CREBRF: variants seen among roughly 807,000 people sequenced by gnomAD.
CREBRF encodes the protein UPF0474 protein C5orf41.
A neutral mutation model predicts 66.1 loss-of-function variants in CREBRF; 5 were observed. The ratio of observed to expected loss-of-function variants is 0.08; its 90% confidence interval spans 0.04 to 0.16. CREBRF has a LOEUF of 0.16. Ranked by LOEUF, CREBRF falls within the 10% of genes least tolerant of loss-of-function variation. The pLI, the probability that CREBRF is intolerant of heterozygous loss-of-function variation, is 1.00. For missense variants in CREBRF, 531 were observed against 744.9 expected, an observed-to-expected ratio of 0.71 and a Z score of 3.34; for synonymous variants, 229 against 264.4, an observed-to-expected ratio of 0.87 and a Z score of 1.30.
intron 4 of CREBRF, among the ~76,000 whole-genome samples, chr5:173,093,665 C>T (rs939127943): frequency 2.0e-5 from 3 of 152,166 alleles, no homozygotes; most frequent in Non-Finnish European, 4.4e-5. Flanking sequence ...CACAGGCGTG[C>T]ACCATCATGC....
chr5:173,090,699 G>A lies in CREBRF; in HGVS notation c.520G>A (p.Gly174Ser). 1 of 1,614,048 alleles carries A rather than the reference G, an allele frequency of 6.2e-7. No homozygotes were observed. Among genetic ancestry groups the A allele is most frequent in the Non-Finnish European group, 8.5e-7 (1 of 1,180,000 alleles). ...AAATCCCTTACCCTCTTCATTCCCT[G>A]GTAAAAAGATCACAAGCAGAGCAGC... ...KQNPLPSSFPGKKITSRAAAP... is the reference protein window; with the variant it reads ...KQNPLPSSFPSKKITSRAAAP... Residue 174 changes from glycine (G) to serine (S), a missense_variant, in exon 4 of 9, where the codon GGT becomes AGT. By Grantham distance (56) the Gly-to-Ser change is moderately conservative. Around this residue, in one of 5 missense-constraint regions of CREBRF, gnomAD observed 133 missense variants for 215.6 expected, o/e 0.62. Coordinates refer to ENST00000296953, the MANE Select transcript of CREBRF (RefSeq NM_153607.3). This position sits in a 1 kb window ranked among gnomAD's most constrained non-coding sequence, Gnocchi z 4.5.
chr5:173,108,192 A>G (rs904312808), intron 4 of CREBRF, among the ~76,000 whole-genome samples: 2 of 152,090 alleles, frequency 1.3e-5, no homozygotes, highest in Admixed American at 1.3e-4. Flanking sequence ...AGAAGTATAC[A>G]TAGCTTTCTG....
intron 4 of CREBRF, 28 bp from the exon 5 acceptor site, chr5:173,108,596 C>G (rs769174659): frequency 6.3e-7 from 1 of 1,584,198 alleles, no homozygotes; most frequent in African/African-American, 1.4e-5. Flanking sequence ...ATTTATGGAG[C>G]TTAAAAATTG....
intron 3 of CREBRF, among the ~76,000 whole-genome samples, chr5:173,089,848 A>T (rs1758276498): frequency 6.6e-6 from 1 of 151,998 alleles, no homozygotes; most frequent in South Asian, 2.1e-4. Flanking sequence ...CTCTTCTGTA[A>T]TGAGGGTGTC....
In CREBRF at chr5:173,091,153, T is replaced by C. The variant is rs1758322953; in HGVS notation, c.974T>C (p.Val325Ala). Residue 325 changes from valine (V) to alanine (A), a missense_variant, in exon 4 of 9, where the codon GTC (valine) becomes GCC (alanine). Physicochemically the swap from Val to Ala is moderately conservative, Grantham distance 64. Around this residue, in one of 5 missense-constraint regions of CREBRF, gnomAD observed 309 missense variants for 341.4 expected, o/e 0.90. Coordinates refer to ENST00000296953, the MANE Select transcript of CREBRF (RefSeq NM_153607.3). ...AGCAGTCTTTCTGCCAGTACATCAG[T>C]CTCAGATTCATCCCAGAAAAAAGAA... ...ESSSLSASTS[V>A]SDSSQKKEEH... 6.2e-7 allele frequency: 1 copy of C among 1,614,076 alleles called. No individual in the cohort carries two copies. The highest frequency in any genetic ancestry group is 8.5e-7 in the Non-Finnish European group (1 of 1,180,040).
intron 2 of CREBRF, among the ~76,000 whole-genome samples, chr5:173,083,868 G>C (rs1758045644): frequency 6.6e-6 from 1 of 152,086 alleles, no homozygotes; most frequent in South Asian, 2.1e-4. Context: ...TTTTGACAGG[G>C]AAAACATTTT....
Position 173,133,749 on chromosome 5 carries a change from G to C in CREBRF, c.*4G>C. The stretch of plus-strand genomic sequence containing the variant: ...GATACCAACATCAAAGGTGTAATCA[G>C]CCTCATTGGACCACTGGTCAGAAAT... On this transcript the variant is annotated 3_prime_UTR_variant, in exon 9 of 9. Transcript: ENST00000296953. 6.8e-7 allele frequency: 1 copy of C among 1,480,830 alleles called. No homozygotes were observed. Among genetic ancestry groups the C allele is most frequent in the Non-Finnish European group, 9.4e-7 (1 of 1,063,136 alleles). The allele number at this position is 1,480,830 out of a possible 1,614,324, so 91.7% of individuals were successfully genotyped here.
chr5:173,086,235 A>G, intron 2 of CREBRF: 1 of 734,714 alleles, frequency 1.4e-6, no homozygotes, highest in Non-Finnish European at 2.5e-6. Context: ...TCCACTTTAA[A>G]TATTTCAAAT....
At chr5:173,101,454 G>A (rs1758625803) in intron 4 of CREBRF, among the ~76,000 whole-genome samples, 1 of 152,018 alleles carries the variant, frequency 6.6e-6, no homozygotes, top group African/African-American at 2.4e-5. Context: ...TCTTATGAGA[G>A]TTTCATTGTA....
intron 1 of CREBRF, among the ~76,000 whole-genome samples, chr5:173,062,440 C>T (rs922582597): frequency 6.6e-6 from 1 of 152,014 alleles, no homozygotes; most frequent in African/African-American, 2.4e-5. Flanking sequence ...AATTAATCAC[C>T]GTCTGTTCAA....
At chr5:173,132,026 G>A (rs1263812634) in intron 8 of CREBRF, among the ~76,000 whole-genome samples, 2 of 151,036 alleles carry the variant, frequency 1.3e-5, no homozygotes, top group East Asian at 3.9e-4. Context: ...CACCATGCCC[G>A]GCCAGTATTT....
Position 173,133,845 on chromosome 5 carries a change from C to T in CREBRF, c.*100C>T. On this transcript the variant is annotated 3_prime_UTR_variant, in exon 9 of 9. Coordinates refer to ENST00000296953, the MANE Select transcript of CREBRF (RefSeq NM_153607.3). ...TGCATGTCAGTTAGCATTATGTAAA[C>T]ATTTACAATTAGGTTACATTGTTTT... is the stretch of plus-strand genomic sequence containing the variant. The T allele has an allele frequency of 1.7e-6, 1 of 598,442 alleles. No individual in the cohort carries two copies. The highest frequency in any genetic ancestry group is 3.3e-5 in the Admixed American group (1 of 30,612). 37.1% of individuals were successfully genotyped at this position (598,442 alleles called of 1,614,324 possible).
At chr5:173,129,953 G>A (rs950026345) in intron 8 of CREBRF, among the ~76,000 whole-genome samples, 1 of 151,930 alleles carries the variant, frequency 6.6e-6, no homozygotes, top group African/African-American at 2.4e-5. Flanking sequence ...AGCCTCCTGA[G>A]TAGCTGGGAT....
At chr5:173,131,695 TACACACACACACACACACAC>T (rs67580803) in intron 8 of CREBRF, among the ~76,000 whole-genome samples, 15 of 148,922 alleles carry the variant, frequency 1.0e-4, no homozygotes, top group Admixed American at 1.3e-4. Context: ...TATATATGTA[TACACACACACACACACACAC>T]ACACACACAC....
intron 7 of CREBRF, among the ~76,000 whole-genome samples, chr5:173,119,422 G>A (rs1275346280): frequency 6.6e-6 from 1 of 152,062 alleles, no homozygotes; most frequent in Non-Finnish European, 1.5e-5. Context: ...AGTATTTTAT[G>A]TTTTTTAGTG....
intron 1 of CREBRF, among the ~76,000 whole-genome samples, chr5:173,066,708 C>T (rs562068280): frequency 4.0e-5 from 6 of 150,070 alleles, no homozygotes; most frequent in Admixed American, 2.0e-4. Flanking sequence ...TCTGAAATTT[C>T]ATATAAATCT....
chr5:173,096,709 T>C (rs973585824), intron 4 of CREBRF, among the ~76,000 whole-genome samples: 1 of 152,028 alleles, frequency 6.6e-6, no homozygotes, highest in African/African-American at 2.4e-5. Flanking sequence ...TTGTCGTGTA[T>C]GGCCTTTATT....
At chr5:173,107,503 G>T (rs1048425502) in intron 4 of CREBRF, among the ~76,000 whole-genome samples, 8 of 152,144 alleles carry the variant, frequency 5.3e-5, no homozygotes, top group African/African-American at 1.7e-4. Flanking sequence ...AAACAGTGAC[G>T]TTAATACAAA....
chr5:173,093,239 A>G (rs1264128184), intron 4 of CREBRF, among the ~76,000 whole-genome samples: 3 of 152,220 alleles, frequency 2.0e-5, no homozygotes, highest in East Asian at 3.8e-4. Context: ...AGAAGGAGTC[A>G]GTAAATCCTA....
Sources: allele counts gnomAD v4.1 joint callset (sites outside exome capture counted in the v4.1 genomes callset), GRCh38; gene constraint gnomAD v4.1.1; regional missense constraint gnomAD v4.1.1; non-coding constraint Gnocchi (gnomAD v3.1); transcripts MANE v1.5; gene names NCBI Gene and HGNC (gene_info 2026-07-23, HGNC 2026-07-21).